MIGA1: variants seen among roughly 807,000 people sequenced by gnomAD.
MIGA1 encodes the protein mitoguardin 1.
A neutral mutation model predicts 82.0 loss-of-function variants in MIGA1; 58 were observed. That is an observed-to-expected ratio of 0.71 (90% CI 0.57 to 0.88). The LOEUF (loss-of-function observed/expected upper bound fraction) is 0.88. MIGA1 is among the 40% of genes least tolerant of loss of function. The probability of loss-of-function intolerance (pLI) is 0.00; values close to 1 mark genes in which losing one functional copy is unlikely to be tolerated. For synonymous variants in MIGA1, 249 were observed against 253.6 expected (o/e 0.98, Z 0.17); for missense variants, 751 against 749.1 (o/e 1.00, Z -0.03).
chr1:77,854,069 T>C (rs899280737), intron 8 of MIGA1, among the ~76,000 whole-genome samples: 1 of 152,116 alleles, frequency 6.6e-6, no homozygotes, highest in Non-Finnish European at 1.5e-5. Flanking sequence ...GTCCCCAAAG[T>C]CCATTGTATC....
intron 7 of MIGA1, among the ~76,000 whole-genome samples, chr1:77,821,906 T>A (rs193267018): frequency 6.6e-6 from 1 of 152,316 alleles, no homozygotes; most frequent in African/African-American, 2.4e-5. Flanking sequence ...ATTAAGATAC[T>A]TTGTAAGCTT....
At chr1:77,787,984 T>C (rs1321850110) in intron 2 of MIGA1, among the ~76,000 whole-genome samples, 2 of 151,524 alleles carry the variant, frequency 1.3e-5, no homozygotes, top group African/African-American at 4.9e-5. Context: ...CCTGGCTAAT[T>C]TTTGTATTTT....
intron 2 of MIGA1, among the ~76,000 whole-genome samples, chr1:77,785,237 G>C (rs1449017182): frequency 1.3e-5 from 2 of 152,214 alleles, no homozygotes; most frequent in African/African-American, 4.8e-5. Flanking sequence ...TAGATAGAAT[G>C]GGGGTATGGG....
chr1:77,813,302 C>A (rs777883225), intron 5 of MIGA1, among the ~76,000 whole-genome samples: 6 of 152,090 alleles, frequency 3.9e-5, no homozygotes, highest in Non-Finnish European at 7.4e-5. Flanking sequence ...TTACTTTGTT[C>A]TTCTGAGAAC....
chr1:77,813,764 G>A lies in MIGA1; in HGVS notation c.668G>A (p.Arg223Gln), dbSNP rs772067225. 2.0e-5 allele frequency: 33 copies of A among 1,614,010 alleles called. No homozygotes were observed. Among genetic ancestry groups the A allele is most frequent in the South Asian group, 1.6e-4 (15 of 91,082 alleles). The change falls in exon 6 of 16, where the codon CGA becomes CAA. Residue 223 changes from arginine (R) to glutamine (Q), a missense_variant. By Grantham distance (43) the Arg-to-Gln change is conservative (BLOSUM62 1). Transcript: ENST00000370791. The stretch of plus-strand genomic sequence containing the variant: ...GAATTGTTTGAAGAGGCATTGCGTC[G>A]ATGGGAACAAGCTCTGACCTTTCGC...
At chr1:77,823,388 C>T (rs1198985102) in intron 7 of MIGA1, among the ~76,000 whole-genome samples, 1 of 152,134 alleles carries the variant, frequency 6.6e-6, no homozygotes, top group East Asian at 1.9e-4. Context: ...AACTAAAACA[C>T]ATTGCACACT....
chr1:77,859,841 C>T, intron 10 of MIGA1, 199 bp from the exon 11 acceptor site: 1 of 468,500 alleles, frequency 2.1e-6, no homozygotes, highest in Non-Finnish European at 3.7e-6. Context: ...AAATTTAACT[C>T]CCTTTAATCT....
At chr1:77,803,154 G>A (rs758265400) in intron 3 of MIGA1, 116 bp from the exon 4 acceptor site, 4 of 469,356 alleles carry the variant, frequency 8.5e-6, no homozygotes, top group Non-Finnish European at 1.4e-5. Flanking sequence ...AGTGAGTGAT[G>A]CATGTTTTAA....
chr1:77,855,271 G>A (rs1685206332), intron 8 of MIGA1, among the ~76,000 whole-genome samples: 1 of 152,160 alleles, frequency 6.6e-6, no homozygotes, highest in African/African-American at 2.4e-5. Flanking sequence ...TTTTATACCA[G>A]TACCATGCTG....
intron 2 of MIGA1, among the ~76,000 whole-genome samples, chr1:77,793,626 A>AT (rs1279233492): frequency 0.013 from 1,674 of 131,460 alleles, 38 homozygotes; most frequent in East Asian, 0.088. Context: ...TGCCCAGCTA[A>AT]TTTTTTTTTT....
chr1:77,811,000 A>G (rs1683305709), intron 5 of MIGA1: 3 of 1,612,634 alleles, frequency 1.9e-6, no homozygotes, highest in East Asian at 4.5e-5. Flanking sequence ...ATCCATCTCC[A>G]TGAAAGCAAA....
intron 5 of MIGA1, chr1:77,810,803 A>T: frequency 6.4e-7 from 1 of 1,562,028 alleles, no homozygotes; most frequent in Middle Eastern, 2.3e-4. Flanking sequence ...ACACAGAGCT[A>T]TGATGGTTTC....
chr1:77,869,653 A>G (rs1685833910), intron 14 of MIGA1, among the ~76,000 whole-genome samples: 1 of 129,698 alleles, frequency 7.7e-6, no homozygotes, highest in Non-Finnish European at 1.7e-5. Flanking sequence ...GGCCGGGCAG[A>G]GGCGCCCCTC....
intron 10 of MIGA1, 181 bp from the exon 11 acceptor site, chr1:77,859,859 A>G (rs1268420613): frequency 6.0e-6 from 3 of 500,198 alleles, no homozygotes; most frequent in Non-Finnish European, 1.0e-5. Context: ...TCTTTTTTTG[A>G]CTATAGGTTT....
intron 2 of MIGA1, among the ~76,000 whole-genome samples, chr1:77,788,753 T>C (rs1338100991): frequency 6.6e-6 from 1 of 152,230 alleles, no homozygotes; most frequent in African/African-American, 2.4e-5. Context: ...TGATGATATA[T>C]GTGAGGTTTT....
At chr1:77,818,586 CAG>C (rs780820068) in intron 7 of MIGA1, among the ~76,000 whole-genome samples, 2 of 152,116 alleles carry the variant, frequency 1.3e-5, no homozygotes, top group Non-Finnish European at 2.9e-5. Context: ...TATTAACACA[CAG>C]GGGGAAAGAT....
intron 14 of MIGA1, among the ~76,000 whole-genome samples, chr1:77,867,216 G>C (rs1033288199): frequency 6.6e-6 from 1 of 152,098 alleles, no homozygotes; most frequent in African/African-American, 2.4e-5. Flanking sequence ...GAGACTACTG[G>C]GTTCAAATGC....
intron 2 of MIGA1, among the ~76,000 whole-genome samples, chr1:77,795,151 A>G (rs1443960825): frequency 6.6e-6 from 1 of 151,876 alleles, no homozygotes; most frequent in East Asian, 1.9e-4. Flanking sequence ...TTTAGTAAAG[A>G]TGGGGTTTCA....
At chr1:77,829,693 A>T (rs924966311) in intron 7 of MIGA1, among the ~76,000 whole-genome samples, 1 of 150,106 alleles carries the variant, frequency 6.7e-6, no homozygotes, top group Non-Finnish European at 1.5e-5. Context: ...CTGATCTTGA[A>T]CTCCTGATCT....
Sources: gnomAD v4.1 joint callset for allele counts (sites outside exome capture counted in the v4.1 genomes callset) on GRCh38, gnomAD v4.1.1 for gene constraint, MANE v1.5 for transcripts, NCBI Gene and HGNC (gene_info 2026-07-23, HGNC 2026-07-21) for gene names.